The following LSM4 variants were observed in gnomAD, a reference collection of about 807,000 sequenced individuals.
The protein encoded by LSM4 is U6 snRNA-associated Sm-like protein LSm4.
LSM4 carries 15 observed loss-of-function variants against 22.3 expected under a neutral mutation model. The ratio of observed to expected loss-of-function variants is 0.67; its 90% confidence interval spans 0.45 to 1.03. LSM4 has a LOEUF of 1.03. LSM4 is among the 50% of genes least tolerant of loss of function. The pLI is 0.00. For synonymous variants in LSM4, 90 were observed against 79.8 expected (o/e 1.13, Z -0.68); for missense variants, 127 against 198.0 (o/e 0.64, Z 2.15).
chr19:18,322,211 T>C (rs1970432013), intron 1 of LSM4, among the ~76,000 whole-genome samples: 1 of 152,072 alleles, frequency 6.6e-6, no homozygotes, highest in Non-Finnish European at 1.5e-5. Flanking sequence ...AGTCTGGAAG[T>C]CACATCCCCA....
At chr19:18,308,060 G>A (rs1970252571) in intron 4 of LSM4, among the ~76,000 whole-genome samples, 1 of 152,184 alleles carries the variant, frequency 6.6e-6, no homozygotes. Flanking sequence ...GGGAAGGGGA[G>A]GGGACTCCCC....
chr19:18,314,546 C>T (rs2148141726), intron 2 of LSM4, among the ~76,000 whole-genome samples: 1 of 152,104 alleles, frequency 6.6e-6, no homozygotes, highest in Non-Finnish European at 1.5e-5. Flanking sequence ...GTATCCGCTC[C>T]ACGGAGTATC....
intron 4 of LSM4, chr19:18,309,417 C>T: frequency 1.9e-6 from 1 of 527,250 alleles, no homozygotes; most frequent in Middle Eastern, 4.8e-4. Flanking sequence ...CCACCATACC[C>T]TCTCAGAGGG....
intron 1 of LSM4, chr19:18,316,279 A>T (rs1456213692): frequency 5.1e-6 from 2 of 396,020 alleles, no homozygotes; most frequent in South Asian, 3.8e-5. Flanking sequence ...AGCCTCACAC[A>T]CCCTCCCTAC....
At chr19:18,313,020 A>T (rs764651254) in intron 2 of LSM4, among the ~76,000 whole-genome samples, 7 of 152,222 alleles carry the variant, frequency 4.6e-5, no homozygotes, top group Non-Finnish European at 1.0e-4. Flanking sequence ...AAAGATTGAG[A>T]CCATCCTGAC....
intron 2 of LSM4, among the ~76,000 whole-genome samples, chr19:18,314,489 G>A (rs187998183): frequency 6.6e-6 from 1 of 151,894 alleles, no homozygotes; most frequent in East Asian, 1.9e-4. Flanking sequence ...ATCACTCCAG[G>A]CTGGGCGACA....
intron 2 of LSM4, among the ~76,000 whole-genome samples, chr19:18,315,199 CAG>C (rs1352144504): frequency 6.6e-6 from 1 of 151,856 alleles, no homozygotes; most frequent in Non-Finnish European, 1.5e-5. Context: ...TTTTTGGAGA[CAG>C]GGTTTCACTG....
chr19:18,313,174 G>C (rs1241796840), intron 2 of LSM4, among the ~76,000 whole-genome samples: 2 of 151,566 alleles, frequency 1.3e-5, no homozygotes, highest in Admixed American at 6.6e-5. Context: ...AGTTGAGATA[G>C]GGGGAGGTTG....
intron 4 of LSM4, chr19:18,309,368 G>A: frequency 2.5e-6 from 1 of 408,106 alleles, no homozygotes; most frequent in Non-Finnish European, 4.4e-6. Context: ...GCCACGCCAG[G>A]TTCCAAGTGG....
intron 2 of LSM4, among the ~76,000 whole-genome samples, chr19:18,315,087 G>A (rs1318319531): frequency 3.9e-5 from 6 of 151,934 alleles, no homozygotes; most frequent in Admixed American, 1.3e-4. Context: ...GGGTTTCACC[G>A]TGTTAGCCAG....
intron 1 of LSM4, among the ~76,000 whole-genome samples, chr19:18,317,887 T>G (rs1970376938): frequency 6.6e-6 from 1 of 152,198 alleles, no homozygotes; most frequent in South Asian, 2.1e-4. Flanking sequence ...ATATGTAGTA[T>G]TTCTATTACT....
chr19:18,318,061 A>G (rs1180598898), intron 1 of LSM4, among the ~76,000 whole-genome samples: 1 of 152,168 alleles, frequency 6.6e-6, no homozygotes, highest in Non-Finnish European at 1.5e-5. Flanking sequence ...CTGACAAGAC[A>G]GTGCCTCATG....
At chr19:18,315,405 C>G (rs576727503) in intron 2 of LSM4, among the ~76,000 whole-genome samples, 2 of 152,276 alleles carry the variant, frequency 1.3e-5, no homozygotes, top group South Asian at 4.1e-4. Context: ...CTAGCCTCAG[C>G]CTCCCAAAGT....
intron 1 of LSM4, among the ~76,000 whole-genome samples, chr19:18,319,992 G>A (rs1281845996): frequency 6.6e-6 from 1 of 152,164 alleles, no homozygotes; most frequent in Non-Finnish European, 1.5e-5. Context: ...CACTACCCAG[G>A]GAGGCATGCA....
In LSM4 at chr19:18,307,044, G is replaced by A. The variant is rs1027358384; in HGVS notation, c.*420C>T. 2.4e-5 allele frequency: 4 copies of A among 167,062 alleles called. No individual in the cohort carries two copies. The highest frequency in any genetic ancestry group is 6.4e-5 in the Admixed American group (1 of 15,684). The allele number at this position is 167,062 out of a possible 1,614,324, so 10.3% of individuals were successfully genotyped here. On this transcript the variant is annotated 3_prime_UTR_variant, in exon 5 of 5. Transcript: ENST00000593829. ...TTGTTTTGAAGGCAATTTTGGGGCC[G>A]CGCCCAAGGAAACCCTGCAGGCTGT... is the stretch of plus-strand genomic sequence containing the variant.
At chr19:18,308,645 G>A (rs1301996009) in intron 4 of LSM4, among the ~76,000 whole-genome samples, 2 of 152,186 alleles carry the variant, frequency 1.3e-5, no homozygotes, top group Non-Finnish European at 2.9e-5. Context: ...ACCCCAACAG[G>A]AACTGGAATC....
intron 1 of LSM4, 33 bp from the exon 2 acceptor site, chr19:18,316,098 G>C: frequency 6.2e-7 from 1 of 1,611,416 alleles, no homozygotes; most frequent in Non-Finnish European, 8.5e-7. Context: ...TGATTTGTCT[G>C]TTTGACCAGC....
intron 3 of LSM4, among the ~76,000 whole-genome samples, chr19:18,311,441 G>A (rs1970296509): frequency 3.3e-5 from 5 of 152,208 alleles, no homozygotes; most frequent in Non-Finnish European, 1.5e-5. Flanking sequence ...ACTCGAAGCT[G>A]GAGGCAGAGG....
intron 4 of LSM4, chr19:18,309,365 C>T (rs564275925): frequency 3.5e-4 from 142 of 403,884 alleles, no homozygotes; most frequent in African/African-American, 2.8e-3. Flanking sequence ...AGAGCCACGC[C>T]AGGTTCCAAG....
Sources: gnomAD v4.1 joint callset for allele counts (sites outside exome capture counted in the v4.1 genomes callset) on GRCh38, gnomAD v4.1.1 for gene constraint, MANE v1.5 for transcripts, NCBI Gene and HGNC (gene_info 2026-07-23, HGNC 2026-07-21) for gene names.